Variants in RNLS observed in about 807,000 individuals in gnomAD.
RNLS encodes renalase, FAD dependent amine oxidase.
A neutral mutation model predicts 39.8 loss-of-function variants in RNLS; 39 were observed. The observed-to-expected ratio is 0.98, with a 90% confidence interval of 0.76 to 1.28. The LOEUF (loss-of-function observed/expected upper bound fraction) is 1.28, where lower values mean the gene tolerates loss of function less well. RNLS is among the 50% of genes most tolerant of loss of function. The pLI is 0.00. For missense variants in RNLS, 410 were observed against 413.3 expected, an observed-to-expected ratio of 0.99 and a Z score of 0.07; for synonymous variants, 147 against 150.7, an observed-to-expected ratio of 0.98 and a Z score of 0.18.
chr10:88,548,647 C>CATATATAT (rs146359996), intron 4 of RNLS, among the ~76,000 whole-genome samples: 3 of 144,684 alleles, frequency 2.1e-5, no homozygotes, highest in African/African-American at 7.6e-5. Context: ...TCAAAATATA[C>CATATATAT]ATATATATAT....
chr10:88,505,395 CTCTGTT>C (rs1188665830), intron 4 of RNLS, among the ~76,000 whole-genome samples: 1 of 112,628 alleles, frequency 8.9e-6, no homozygotes, highest in African/African-American at 2.8e-5. Context: ...AGCAGAGACA[CTCTGTT>C]TGTGAGTGTG....
the RNLS span, among the ~76,000 whole-genome samples, chr10:88,184,982 C>A: frequency 6.6e-6 from 1 of 152,126 alleles, no homozygotes; most frequent in Admixed American, 6.6e-5. Flanking sequence ...TTTGTTCAGT[C>A]TTAAGGCAAT....
intron 5 of RNLS, among the ~76,000 whole-genome samples, chr10:88,347,894 T>TATC (rs1378259462): frequency 2.6e-5 from 4 of 152,136 alleles, no homozygotes; most frequent in African/African-American, 9.7e-5. Flanking sequence ...ACTAGCATCT[T>TATC]ATCTTTATAA....
the RNLS span, among the ~76,000 whole-genome samples, chr10:88,191,637 C>A: frequency 2.0e-5 from 3 of 152,168 alleles, no homozygotes; most frequent in Non-Finnish European, 4.4e-5. Context: ...TCCTGGGGAG[C>A]CTGTGCTAGC....
At chr10:88,491,250 T>C (rs975887895) in intron 4 of RNLS, among the ~76,000 whole-genome samples, 1 of 152,192 alleles carries the variant, frequency 6.6e-6, no homozygotes, top group Non-Finnish European at 1.5e-5. Flanking sequence ...TTGCAAAACA[T>C]ACTGAAGAGA....
At chr10:88,362,959 C>T (rs1849757393) in intron 4 of RNLS, among the ~76,000 whole-genome samples, 2 of 152,054 alleles carry the variant, frequency 1.3e-5, no homozygotes, top group Non-Finnish European at 2.9e-5. Context: ...TTTGGAATGG[C>T]GTTCAAGGTT....
At chr10:88,415,262 T>G (rs942053688) in intron 4 of RNLS, among the ~76,000 whole-genome samples, 4 of 152,178 alleles carry the variant, frequency 2.6e-5, no homozygotes, top group Non-Finnish European at 1.5e-5. Context: ...TCTCCCCAAA[T>G]AAACAATTGA....
At chr10:88,575,552 A>G (rs1427379197) in intron 3 of RNLS, among the ~76,000 whole-genome samples, 1 of 152,018 alleles carries the variant, frequency 6.6e-6, no homozygotes, top group East Asian at 1.9e-4. Flanking sequence ...AGGTAGGAGA[A>G]ATGGTATAGC....
chr10:88,520,391 T>A (rs1374866845), intron 4 of RNLS, among the ~76,000 whole-genome samples: 2 of 152,024 alleles, frequency 1.3e-5, no homozygotes, highest in Non-Finnish European at 2.9e-5. Context: ...AGAAATGCTA[T>A]CTAGTCTCTC....
intron 6 of RNLS, among the ~76,000 whole-genome samples, chr10:88,309,736 T>C (rs1845214069): frequency 1.3e-5 from 2 of 152,190 alleles, no homozygotes; most frequent in African/African-American, 4.8e-5. Flanking sequence ...CCGACATGGC[T>C]AATTGTCAGA....
At chr10:88,468,438 G>A (rs979829482) in intron 4 of RNLS, among the ~76,000 whole-genome samples, 1 of 152,086 alleles carries the variant, frequency 6.6e-6, no homozygotes, top group Non-Finnish European at 1.5e-5. Flanking sequence ...CAACTATGTT[G>A]ACAACTAGTC....
chr10:88,417,655 T>C, intron 4 of RNLS, among the ~76,000 whole-genome samples: 1 of 152,086 alleles, frequency 6.6e-6, no homozygotes, highest in South Asian at 2.1e-4. Flanking sequence ...ATATGAGCCA[T>C]AGCCCTTTAA....
At chr10:88,505,538 A>C (rs1437259806) in intron 4 of RNLS, among the ~76,000 whole-genome samples, 1 of 151,872 alleles carries the variant, frequency 6.6e-6, no homozygotes, top group Admixed American at 6.6e-5. Flanking sequence ...CAAGGAAGAG[A>C]GAGGAGAGGG....
At chr10:88,259,593 C>T in the RNLS span, among the ~76,000 whole-genome samples, 13 of 152,272 alleles carry the variant, frequency 8.5e-5, no homozygotes, top group South Asian at 4.1e-4. Flanking sequence ...TGCACTCTCA[C>T]GCATAGTTAC....
At chr10:88,234,406 C>T in the RNLS span, among the ~76,000 whole-genome samples, 3 of 152,116 alleles carry the variant, frequency 2.0e-5, no homozygotes, top group Non-Finnish European at 4.4e-5. Flanking sequence ...TAACCAGCAG[C>T]AGGCCAGCTG....
the RNLS span, among the ~76,000 whole-genome samples, chr10:88,173,796 T>TA: frequency 1.1e-4 from 16 of 151,784 alleles, no homozygotes; most frequent in East Asian, 1.2e-3. Flanking sequence ...GGTCTTTTTT[T>TA]AAAAAAAAAT....
chr10:88,389,863 C>G lies in RNLS; in HGVS notation c.527-27138G>C, dbSNP rs551079847. 1.8e-4 allele frequency among the ~76,000 whole-genome samples: 28 copies of G among 152,274 alleles called. 1 individual carries two copies. Among genetic ancestry groups the G allele is most frequent in the South Asian group, 1.5e-3 (7 of 4,818 alleles). ...TAAAGGAAGAGCAATGACATAAATA[C>G]ATACAATTCCAAATCCATTAGAAAA... On this transcript the variant is annotated intron_variant, in intron 4 of 6. Transcript: ENST00000331772.
At chr10:88,182,698 TGA>T in the RNLS span, among the ~76,000 whole-genome samples, 1 of 151,952 alleles carries the variant, frequency 6.6e-6, no homozygotes, top group Non-Finnish European at 1.5e-5. Context: ...TGTGTGTGTG[TGA>T]GAGAGTGATT....
the RNLS span, among the ~76,000 whole-genome samples, chr10:88,230,462 CT>C: frequency 6.6e-6 from 1 of 152,148 alleles, no homozygotes; most frequent in South Asian, 2.1e-4. Flanking sequence ...CCATTCTTCC[CT>C]AACGGCCTCC....
Sources: allele counts gnomAD v4.1 joint callset (sites outside exome capture counted in the v4.1 genomes callset), GRCh38; gene constraint gnomAD v4.1.1; transcripts MANE v1.5; gene names NCBI Gene and HGNC (gene_info 2026-07-23, HGNC 2026-07-21).